Variants in NTM observed in about 807,000 individuals in gnomAD.
NTM encodes neurotrimin.
Under a neutral mutation model 42.1 loss-of-function variants are expected in NTM, and 13 were observed. The observed-to-expected ratio is 0.31, with a 90% CI of 0.20 to 0.49. The LOEUF (loss-of-function observed/expected upper bound fraction) is 0.49, where lower values mean the gene tolerates loss of function less well. Ranked by LOEUF, NTM falls within the 20% of genes least tolerant of loss-of-function variation. The pLI is 0.99. For synonymous variants in NTM, 187 were observed against 179.2 expected, an observed-to-expected ratio of 1.04 and a Z score of -0.35; for missense variants, 373 against 452.8, an observed-to-expected ratio of 0.82 and a Z score of 1.60.
At chr11:131,511,500 C>T (rs2048242204) in intron 1 of NTM, among the ~76,000 whole-genome samples, 1 of 152,226 alleles carries the variant, frequency 6.6e-6, no homozygotes, top group South Asian at 2.1e-4. Context: ...TTTAAATCAG[C>T]AATGCTAGTG....
At chr11:131,530,529 C>G (rs1470254094) in intron 1 of NTM, among the ~76,000 whole-genome samples, 1 of 151,900 alleles carries the variant, frequency 6.6e-6, no homozygotes, top group Non-Finnish European at 1.5e-5. Context: ...AAAACACTTT[C>G]CCCACTATAG....
intron 4 of NTM, among the ~76,000 whole-genome samples, chr11:132,224,834 G>A (rs752277798): frequency 8.5e-5 from 13 of 152,206 alleles, no homozygotes; most frequent in Admixed American, 2.6e-4. Context: ...TGGGAGTGAG[G>A]GTGGAGGACA....
chr11:131,730,879 C>A (rs1468651985), intron 1 of NTM, among the ~76,000 whole-genome samples: 1 of 152,082 alleles, frequency 6.6e-6, no homozygotes, highest in Non-Finnish European at 1.5e-5. Context: ...TGATATAAAA[C>A]AGTCCATAGA....
intron 3 of NTM, among the ~76,000 whole-genome samples, chr11:132,196,200 C>T (rs1337960697): frequency 6.6e-6 from 1 of 152,078 alleles, no homozygotes; most frequent in African/African-American, 2.4e-5. Context: ...GAAAAAAAAG[C>T]TCATGATCGC....
intron 1 of NTM, among the ~76,000 whole-genome samples, chr11:131,709,567 G>A (rs1040531962): frequency 2.6e-5 from 4 of 152,160 alleles, no homozygotes; most frequent in Non-Finnish European, 2.9e-5. Context: ...TTGAAAGGAT[G>A]GAGTTGGATA....
At chr11:131,647,788 A>G (rs1317148254) in intron 1 of NTM, among the ~76,000 whole-genome samples, 2 of 152,214 alleles carry the variant, frequency 1.3e-5, no homozygotes, top group African/African-American at 4.8e-5. Context: ...CCAAAACAGA[A>G]GAAAAAGTTA....
intron 1 of NTM, among the ~76,000 whole-genome samples, chr11:131,819,023 G>A (rs1160544253): frequency 6.6e-6 from 1 of 152,148 alleles, no homozygotes; most frequent in Non-Finnish European, 1.5e-5. Flanking sequence ...AACTGTTGAG[G>A]ACACTGAGAT....
At chr11:132,215,138 G>C (rs2083567292) in intron 4 of NTM, among the ~76,000 whole-genome samples, 1 of 152,214 alleles carries the variant, frequency 6.6e-6, no homozygotes, top group South Asian at 2.1e-4. Context: ...TGGAGAAGAA[G>C]ATCTGCACCT....
rs967823905 is a variant in NTM, at chr11:131,753,315, T to C, written c.83-158249T>C. The stretch of plus-strand genomic sequence containing the variant: ...GTGGGACTGTAAACTAGTTCAACCA[T>C]TGTGGAAGTCAGTGTGGCGATTCCT... On this transcript the variant is annotated intron_variant, in intron 1 of 8. Transcript: ENST00000683400. Among the ~76,000 whole-genome samples the C allele has an allele frequency of 1.8e-4, 28 of 151,984 alleles. No homozygotes were observed. The South Asian group carries it at 4.6e-3, about 25-fold the overall frequency.
intron 6 of NTM, among the ~76,000 whole-genome samples, chr11:132,312,002 T>A (rs1004429938): frequency 5.9e-5 from 9 of 152,152 alleles, no homozygotes; most frequent in African/African-American, 2.2e-4. Context: ...TCTGATGGCC[T>A]CTCCTTTTCT....
At chr11:131,450,070 C>T (rs1455133280) in intron 1 of NTM, among the ~76,000 whole-genome samples, 2 of 152,200 alleles carry the variant, frequency 1.3e-5, no homozygotes, top group Non-Finnish European at 2.9e-5. Context: ...AACGATTTCT[C>T]TCCTTTCCTG....
At chr11:131,386,167 C>A (rs1041697462) in intron 1 of NTM, among the ~76,000 whole-genome samples, 4 of 152,186 alleles carry the variant, frequency 2.6e-5, no homozygotes, top group African/African-American at 9.7e-5. Flanking sequence ...ACACATGCTG[C>A]AGCATGGATG....
intron 7 of NTM, among the ~76,000 whole-genome samples, chr11:132,323,580 C>T (rs1042139067): frequency 9.9e-5 from 15 of 151,996 alleles, no homozygotes; most frequent in African/African-American, 1.7e-4. Context: ...GATTCACAGC[C>T]GAATTCTACC....
At chr11:131,467,434 G>A (rs1174675516) in intron 1 of NTM, among the ~76,000 whole-genome samples, 1 of 152,148 alleles carries the variant, frequency 6.6e-6, no homozygotes, top group African/African-American at 2.4e-5. Context: ...TCCAGACATT[G>A]GTTTTACACA....
At chr11:131,818,492 A>G (rs2093043154) in intron 1 of NTM, among the ~76,000 whole-genome samples, 1 of 152,174 alleles carries the variant, frequency 6.6e-6, no homozygotes, top group East Asian at 1.9e-4. Flanking sequence ...TAGGGATATT[A>G]GAAACCATTA....
intron 1 of NTM, among the ~76,000 whole-genome samples, chr11:131,576,873 A>C (rs1514648): frequency 0.54 from 82,278 of 152,066 alleles, 22,518 homozygotes; most frequent in South Asian, 0.68. Context: ...TTTCCACAAA[A>C]TGTGGTGCAA....
At chr11:132,144,415 C>A (rs959111867) in intron 2 of NTM, among the ~76,000 whole-genome samples, 1 of 152,180 alleles carries the variant, frequency 6.6e-6, no homozygotes, top group Non-Finnish European at 1.5e-5. Context: ...CCATAGAAAT[C>A]TGTGGTTGGT....
chr11:131,781,542 A>C (rs1211189272), intron 1 of NTM, among the ~76,000 whole-genome samples: 1 of 152,220 alleles, frequency 6.6e-6, no homozygotes, highest in East Asian at 1.9e-4. Flanking sequence ...CACCATAGCA[A>C]ATACTAAGTA....
intron 7 of NTM, among the ~76,000 whole-genome samples, chr11:132,319,583 C>A (rs1297779274): frequency 2.6e-5 from 4 of 152,230 alleles, no homozygotes; most frequent in African/African-American, 9.6e-5. Context: ...GGGCGCCTGC[C>A]ATTGCCTAGT....
Sources: gnomAD v4.1 joint callset for allele counts (sites outside exome capture counted in the v4.1 genomes callset) on GRCh38, gnomAD v4.1.1 for gene constraint, MANE v1.5 for transcripts, NCBI Gene and HGNC (gene_info 2026-07-23, HGNC 2026-07-21) for gene names.